Variants in SLC38A4 observed in about 807,000 individuals in gnomAD.
SLC38A4 encodes solute carrier family 38 member 4.
In SLC38A4, 20 loss-of-function variants were observed where a neutral mutation model predicts 63.1. That is an observed-to-expected ratio of 0.32 (90% confidence interval 0.22 to 0.46). The LOEUF is 0.46. Ranked by LOEUF, SLC38A4 falls within the 20% of genes least tolerant of loss-of-function variation. The pLI, the probability that SLC38A4 is intolerant of heterozygous loss-of-function variation, is 1.00. For synonymous variants in SLC38A4, 230 were observed against 225.5 expected, an observed-to-expected ratio of 1.02 and a Z score of -0.18; for missense variants, 526 against 663.6, an observed-to-expected ratio of 0.79 and a Z score of 2.28.
intron 2 of SLC38A4, among the ~76,000 whole-genome samples, chr12:46,801,408 G>A (rs78021259): frequency 0.064 from 9,746 of 152,016 alleles, 354 homozygotes; most frequent in Middle Eastern, 0.12. Context: ...TCCTTGAGTC[G>A]AGAAGCAAAA....
intron 5 of SLC38A4, among the ~76,000 whole-genome samples, 181 bp from the exon 6 acceptor site, chr12:46,785,358 G>C (rs538459914): frequency 1.3e-5 from 2 of 150,550 alleles, no homozygotes; most frequent in Admixed American, 6.7e-5. Flanking sequence ...TAAAGTCGTA[G>C]AAATAGAATT....
intron 7 of SLC38A4, among the ~76,000 whole-genome samples, chr12:46,782,712 A>G (rs1357179732): frequency 6.6e-6 from 1 of 151,578 alleles, no homozygotes; most frequent in Non-Finnish European, 1.5e-5. Context: ...AAGCATATAC[A>G]GAACACTTAT....
At chr12:46,772,862 T>C (rs1331920740) in intron 14 of SLC38A4, among the ~76,000 whole-genome samples, 1 of 152,050 alleles carries the variant, frequency 6.6e-6, no homozygotes, top group Non-Finnish European at 1.5e-5. Flanking sequence ...TTATTATTAA[T>C]GTGTGGAGAT....
At chr12:46,793,911 G>A (rs79476006) in intron 2 of SLC38A4, among the ~76,000 whole-genome samples, 9,894 of 152,112 alleles carry the variant, frequency 0.065, 373 homozygotes, top group South Asian at 0.14. Context: ...TAACATTTGG[G>A]GACCTCATTT....
At chr12:46,829,206 A>G (rs1199638716), upstream of SLC38A4, among the ~76,000 whole-genome samples, 1 of 152,226 alleles carries the variant, frequency 6.6e-6, no homozygotes, top group African/African-American at 2.4e-5. Flanking sequence ...AGGGCTTAGT[A>G]TAAAGACTGG....
chr12:46,802,056 A>G (rs959475738), intron 2 of SLC38A4, among the ~76,000 whole-genome samples: 3 of 152,098 alleles, frequency 2.0e-5, no homozygotes, highest in Admixed American at 6.6e-5. Context: ...CATTTCTGAA[A>G]AGATTACATG....
chr12:46,807,470 G>T (rs1939256259), intron 1 of SLC38A4, among the ~76,000 whole-genome samples: 1 of 151,908 alleles, frequency 6.6e-6, no homozygotes, highest in Admixed American at 6.6e-5. Flanking sequence ...TAGCAGGACT[G>T]CAGAAAGAAA....
At chr12:46,821,357 CAATT>C in intron 1 of SLC38A4, among the ~76,000 whole-genome samples, 1 of 152,010 alleles carries the variant, frequency 6.6e-6, no homozygotes, top group Admixed American at 6.6e-5. Flanking sequence ...GATAAAGGTC[CAATT>C]TCATTCTTTT....
At chr12:46,798,568 C>A (rs1939063715) in intron 2 of SLC38A4, among the ~76,000 whole-genome samples, 1 of 152,152 alleles carries the variant, frequency 6.6e-6, no homozygotes. Context: ...GAGATCTTTG[C>A]TGCTGTAAGT....
At position 46,775,188 on chromosome 12, in the gene SLC38A4, A is replaced by G; in HGVS notation, c.1175-15T>C. ...TTCAACTTCTCCTACAACAGGAAAA[A>G]GAGAATGAAACCGCTTGGTGTTGTC... On this transcript the variant is annotated splice_polypyrimidine_tract_variant and intron_variant, in intron 13 of 16. Coordinates refer to ENST00000266579, the MANE Select transcript of SLC38A4 (RefSeq NM_018018.5). 1 of 1,609,852 alleles carries G rather than the reference A, an allele frequency of 6.2e-7. No homozygotes were observed. The highest frequency in any genetic ancestry group is 8.5e-7 in the Non-Finnish European group (1 of 1,177,668).
chr12:46,814,329 C>T (rs1248112792), intron 1 of SLC38A4, among the ~76,000 whole-genome samples: 1 of 151,908 alleles, frequency 6.6e-6, no homozygotes, highest in African/African-American at 2.4e-5. Context: ...AACCTCATAA[C>T]AAGGCACAGT....
chr12:46,790,795 C>A (rs1422509070), intron 3 of SLC38A4, among the ~76,000 whole-genome samples: 3 of 152,124 alleles, frequency 2.0e-5, no homozygotes, highest in South Asian at 4.2e-4. Context: ...TGATACCAAA[C>A]CCAGCATGTA....
intron 1 of SLC38A4, among the ~76,000 whole-genome samples, chr12:46,807,361 C>T (rs1007739137): frequency 2.6e-5 from 4 of 151,720 alleles, no homozygotes; most frequent in East Asian, 3.9e-4. Context: ...TACCTTTTAC[C>T]GTAGATTCAT....
intron 14 of SLC38A4, among the ~76,000 whole-genome samples, chr12:46,770,854 T>C (rs1180436641): frequency 6.6e-6 from 1 of 152,072 alleles, no homozygotes; most frequent in Non-Finnish European, 1.5e-5. Context: ...AGTTCTGAAG[T>C]CACTTAAGGT....
intron 1 of SLC38A4, among the ~76,000 whole-genome samples, chr12:46,805,167 T>A (rs1402569230): frequency 1.3e-5 from 2 of 152,000 alleles, no homozygotes; most frequent in African/African-American, 2.4e-5. Context: ...CCTAAAATTG[T>A]AAGCTTTGGC....
At chr12:46,806,476 T>C (rs926941556) in intron 1 of SLC38A4, among the ~76,000 whole-genome samples, 9 of 151,806 alleles carry the variant, frequency 5.9e-5, no homozygotes, top group Non-Finnish European at 1.0e-4. Context: ...AGTAGGAAGG[T>C]TGACTGATAG....
intron 1 of SLC38A4, among the ~76,000 whole-genome samples, chr12:46,810,562 T>C (rs1393729292): frequency 6.6e-6 from 1 of 150,972 alleles, no homozygotes; most frequent in Admixed American, 6.6e-5. Context: ...ATAAATAAAA[T>C]AAAATAAAAA....
chr12:46,811,121 A>G (rs181815779), intron 1 of SLC38A4, among the ~76,000 whole-genome samples: 14 of 152,164 alleles, frequency 9.2e-5, no homozygotes, highest in African/African-American at 3.4e-4. Context: ...CATTCATTCA[A>G]CAAACATTAC....
intron 1 of SLC38A4, among the ~76,000 whole-genome samples, chr12:46,816,621 T>C (rs997728687): frequency 2.6e-5 from 4 of 151,870 alleles, no homozygotes; most frequent in African/African-American, 9.7e-5. Context: ...CTAAACCTTA[T>C]AGGGAATTTG....
Sources: allele counts gnomAD v4.1 joint callset (sites outside exome capture counted in the v4.1 genomes callset), GRCh38; gene constraint gnomAD v4.1.1; transcripts MANE v1.5; gene names NCBI Gene and HGNC (gene_info 2026-07-23, HGNC 2026-07-21).